Variants in COPS8 observed in about 807,000 individuals in gnomAD.
The protein encoded by COPS8 is COP9 signalosome complex subunit 8.
In COPS8, 11 loss-of-function variants were observed where a neutral mutation model predicts 31.5. That is an observed-to-expected ratio of 0.35 (90% CI 0.22 to 0.58). The LOEUF (loss-of-function observed/expected upper bound fraction) is 0.58. Ranked by LOEUF, COPS8 falls within the 20% of genes least tolerant of loss-of-function variation. The probability of loss-of-function intolerance (pLI) is 0.83; values close to 1 mark genes in which losing one functional copy is unlikely to be tolerated. For missense variants in COPS8, 215 were observed against 255.1 expected, an observed-to-expected ratio of 0.84 and a Z score of 1.07; for synonymous variants, 81 against 89.3, an observed-to-expected ratio of 0.91 and a Z score of 0.52.
intron 5 of COPS8, 59 bp downstream of exon 5, chr2:237,094,256 G>T: frequency 6.8e-7 from 1 of 1,465,746 alleles, no homozygotes. Flanking sequence ...GTGAATTGTA[G>T]GTTCACAGTC....
intron 1 of COPS8, 88 bp downstream of exon 1, chr2:237,086,130 C>A: frequency 2.3e-6 from 3 of 1,288,438 alleles, no homozygotes; most frequent in Non-Finnish European, 3.3e-6. Context: ...GGGTCTGAGG[C>A]TAGCGGGCTT....
intron 4 of COPS8, among the ~76,000 whole-genome samples, chr2:237,092,138 TC>T (rs1395789679): frequency 6.6e-6 from 1 of 152,230 alleles, no homozygotes. Context: ...AAAAATGTGT[TC>T]CATCAACTAC....
chr2:237,089,180 G>A lies in COPS8; in HGVS notation c.198+527G>A, dbSNP rs189543371. On this transcript the variant is annotated intron_variant, in intron 3 of 7. Coordinates refer to ENST00000354371, the MANE Select transcript of COPS8 (RefSeq NM_006710.5). ...ATTTTAATGTCAAATGATTCCATGT[G>A]TCTAACATGAGTGTCAAGTGAAATT... Among the ~76,000 whole-genome samples, 1,054 of 152,246 alleles carry A rather than the reference G, an allele frequency of 6.9e-3. 10 individuals carry two copies. Among genetic ancestry groups the A allele is most frequent in the Middle Eastern group, 0.01 (3 of 294 alleles).
Position 237,097,935 on chromosome 2 carries a change from A to G in COPS8, c.*193A>G, listed in dbSNP as rs1696834060. 2.2e-6 allele frequency: 1 copy of G among 459,432 alleles called. No individual in the cohort carries two copies. The allele number at this position is 459,432 out of a possible 1,614,324, so 28.5% of individuals were successfully genotyped here. ...TAAACGTTATGCTGAATAGTTGTTG[A>G]AACAGTTCTCATTTTGTAGTATTTA... On this transcript the variant is annotated 3_prime_UTR_variant, in exon 8 of 8. Transcript: ENST00000354371.
chr2:237,093,070 G>A (rs541341513), intron 4 of COPS8, among the ~76,000 whole-genome samples: 9 of 152,150 alleles, frequency 5.9e-5, no homozygotes, highest in Non-Finnish European at 1.3e-4. Context: ...TTAGAGAAGG[G>A]CAGAGATCGT....
rs945758934 is a variant in COPS8 at position 237,085,902 on chromosome 2, C to T, written c.-63C>T. ...GCTTTAAACGTCATCGCGGGCGCGA[C>T]GCCTGAGGGACAGTCTGGGGTTTGG... is the stretch of plus-strand genomic sequence containing the variant. On this transcript the variant is annotated 5_prime_UTR_variant, in exon 1 of 8. It adds an upstream start codon to the 5' untranslated region. Transcript: ENST00000354371. The T allele has an allele frequency of 3.3e-6, 5 of 1,507,456 alleles. No individual in the cohort carries two copies. Among genetic ancestry groups the T allele is most frequent in the Non-Finnish European group, 4.6e-6 (5 of 1,097,896 alleles). 93.4% of individuals were successfully genotyped at this position (1,507,456 alleles called of 1,614,324 possible).
chr2:237,093,884 G>A, intron 4 of COPS8: 1 of 1,202,704 alleles, frequency 8.3e-7, no homozygotes, highest in Non-Finnish European at 1.0e-6. Context: ...CCAAGAGGAA[G>A]TGTAAGAAAT....
intron 1 of COPS8, chr2:237,086,889 T>C (rs754848558): frequency 2.4e-6 from 1 of 414,600 alleles, no homozygotes; most frequent in Non-Finnish European, 3.9e-6. Flanking sequence ...CAAAGGGAGA[T>C]AAATCAAAGC....
intron 3 of COPS8, 97 bp downstream of exon 3, chr2:237,088,750 G>C (rs1696660272): frequency 1.4e-6 from 1 of 716,598 alleles, no homozygotes; most frequent in Non-Finnish European, 2.3e-6. Flanking sequence ...TGACGTCCTA[G>C]TAATAGTCAT....
rs151029276 is a variant in COPS8, at chr2:237,094,125, C to A, written c.367C>A (p.Gln123Lys). The change falls in exon 5 of 8, where the codon CAA (glutamine) becomes AAA (lysine). Residue 123 changes from glutamine to lysine, a missense_variant. Coordinates refer to ENST00000354371, the MANE Select transcript of COPS8 (RefSeq NM_006710.5). ...GAGACGCGCCTTTGCCCTGGTCTCT[C>A]AAGCGTATACTTCAATCATCGCCGA... is the stretch of plus-strand genomic sequence containing the variant. ...TRRRAFALVSQAYTSIIADDF... is the reference protein window; with the variant it reads ...TRRRAFALVSKAYTSIIADDF... 4.5e-5 allele frequency: 72 copies of A among 1,613,904 alleles called. No individual in the cohort carries two copies. In the African/African-American group the frequency reaches 8.8e-4, roughly 20 times the overall value.
chr2:237,087,446 C>G (rs190129332), intron 2 of COPS8: 3 of 494,094 alleles, frequency 6.1e-6, no homozygotes, highest in African/African-American at 4.0e-5. Context: ...ATTCATTTAA[C>G]CTTTTTGTCT....
intron 5 of COPS8, among the ~76,000 whole-genome samples, chr2:237,095,356 A>G (rs1362419921): frequency 6.6e-6 from 1 of 152,156 alleles, no homozygotes; most frequent in Admixed American, 6.5e-5. Flanking sequence ...CGATGGCCCT[A>G]TATCCCACTT....
intron 5 of COPS8, 68 bp from the exon 6 acceptor site, chr2:237,095,753 TG>T: frequency 9.7e-7 from 1 of 1,032,080 alleles, no homozygotes; most frequent in Non-Finnish European, 1.5e-6. Flanking sequence ...ACTAATGTCA[TG>T]GACAAGTTGT....
chr2:237,096,607 T>C, intron 6 of COPS8: 1 of 608,566 alleles, frequency 1.6e-6, no homozygotes, highest in Non-Finnish European at 2.9e-6. Flanking sequence ...TGCTCAGCCC[T>C]TTGAGTTACA....
intron 4 of COPS8, among the ~76,000 whole-genome samples, chr2:237,090,811 T>G (rs548810843): frequency 1.3e-5 from 2 of 152,262 alleles, no homozygotes; most frequent in South Asian, 4.1e-4. Context: ...AACATAACAA[T>G]GTAAGTGACA....
chr2:237,094,348 G>A lies in COPS8; in HGVS notation c.439+151G>A, dbSNP rs948802671. 2.2e-5 allele frequency: 15 copies of A among 692,622 alleles called. No homozygotes were observed. The African/African-American group carries it at 2.3e-4, about 11-fold the overall frequency. 42.9% of individuals were successfully genotyped at this position (692,622 alleles called of 1,614,324 possible). ...GAGGTGATATGAAACAGGTGTTGTGGAACACCCAGCAGGCACCCTGCAGTC... is the reference window on the plus strand; with the variant it reads ...GAGGTGATATGAAACAGGTGTTGTGAAACACCCAGCAGGCACCCTGCAGTC... On this transcript the variant is annotated intron_variant, in intron 5 of 7. Coordinates refer to ENST00000354371, the MANE Select transcript of COPS8 (RefSeq NM_006710.5).
chr2:237,094,295 C>G (rs1696756389), intron 5 of COPS8, 98 bp downstream of exon 5: 1 of 1,150,722 alleles, frequency 8.7e-7, no homozygotes, highest in African/African-American at 1.5e-5. Flanking sequence ...ACAGAATATG[C>G]TTTTGGAGTC....
chr2:237,086,649 A>C lies in COPS8; in HGVS notation c.79-478A>C, dbSNP rs368972575. ...TCCAGAAGCAGCAGCTCACTAATAG[A>C]TAATAGATACTTTCCAGTTGAGTTA... On this transcript the variant is annotated intron_variant, in intron 1 of 7. Coordinates refer to ENST00000354371, the MANE Select transcript of COPS8 (RefSeq NM_006710.5). The C allele has an allele frequency of 7.1e-4, 149 of 210,418 alleles. 3 individuals are homozygous for C. The South Asian group carries it at 0.016, about 23-fold the overall frequency. 13.0% of individuals were successfully genotyped at this position (210,418 alleles called of 1,614,324 possible). A position where few individuals can be genotyped will look rare whatever the true frequency, so the allele number is the denominator to read the frequency against.
At position 237,089,877 on chromosome 2, in the gene COPS8, G is replaced by T; in HGVS notation, c.214G>T (p.Gly72Trp). Reference protein sequence around the residue: ...PAIKSANSELGGIWSVGQRIW... With the variant: ...PAIKSANSELWGIWSVGQRIW... Reference sequence around the variant, plus strand: ...TTTATTGCAGGCAAATTCTGAACTTGGGGGAATTTGGTCAGTAGGACAAAG... The same window carrying T: ...TTTATTGCAGGCAAATTCTGAACTTTGGGGAATTTGGTCAGTAGGACAAAG... The change falls in exon 4 of 8, where the codon GGG becomes TGG. Residue 72 changes from glycine (G) to tryptophan (W), a missense_variant. Transcript: ENST00000354371. 6.2e-7 allele frequency: 1 copy of T among 1,612,428 alleles called. No individual in the cohort carries two copies. The highest frequency in any genetic ancestry group is 8.5e-7 in the Non-Finnish European group (1 of 1,179,732).
Sources: gnomAD v4.1 joint callset for allele counts (sites outside exome capture counted in the v4.1 genomes callset) on GRCh38, gnomAD v4.1.1 for gene constraint, MANE v1.5 for transcripts, NCBI Gene and HGNC (gene_info 2026-07-23, HGNC 2026-07-21) for gene names.